PRKAA1: variants seen among roughly 807,000 people sequenced by gnomAD.
PRKAA1 encodes the protein 5'-AMP-activated protein kinase catalytic subunit alpha-1.
PRKAA1 carries 23 observed loss-of-function variants against 56.9 expected under a neutral mutation model. The observed-to-expected ratio is 0.40, with a 90% CI of 0.29 to 0.57. The LOEUF (loss-of-function observed/expected upper bound fraction) is 0.57, where lower values mean the gene tolerates loss of function less well. Ranked by LOEUF, PRKAA1 falls within the 20% of genes least tolerant of loss-of-function variation. PRKAA1 has a pLI of 0.39. For missense variants in PRKAA1, 413 were observed against 679.7 expected (o/e 0.61, Z 4.36); for synonymous variants, 226 against 227.0 (o/e 1.00, Z 0.04).
intron 6 of PRKAA1, 39 bp from the exon 7 acceptor site, chr5:40,765,277 A>AT (rs752870013): frequency 6.4e-7 from 1 of 1,558,942 alleles, no homozygotes; most frequent in Non-Finnish European, 8.7e-7. Flanking sequence ...AGGACTTTGA[A>AT]TAGAGCTGAG....
At chr5:40,775,074 T>A in intron 3 of PRKAA1, 1 of 909,378 alleles carries the variant, frequency 1.1e-6, no homozygotes, top group Non-Finnish European at 1.7e-6. Context: ...TTAATTACAT[T>A]AAGATACATA....
intron 1 of PRKAA1, among the ~76,000 whole-genome samples, chr5:40,794,285 T>C (rs1347947387): frequency 1.3e-5 from 2 of 152,220 alleles, no homozygotes; most frequent in African/African-American, 2.4e-5. Context: ...CATTTGTATA[T>C]CTTCTTTTGA....
intron 1 of PRKAA1, among the ~76,000 whole-genome samples, chr5:40,787,699 A>G (rs920530846): frequency 3.0e-5 from 4 of 133,138 alleles, no homozygotes; most frequent in African/African-American, 1.0e-4. Flanking sequence ...TTGCTTTTGC[A>G]AAAGATAAAA....
At chr5:40,777,265 A>G (rs1008113000) in intron 2 of PRKAA1, 180 bp downstream of exon 2, 57 of 530,872 alleles carry the variant, frequency 1.1e-4, no homozygotes, top group African/African-American at 9.8e-4. Flanking sequence ...CGCCTGCCTC[A>G]GCCTCCCAAA....
At chr5:40,785,471 C>T (rs757211365) in intron 1 of PRKAA1, among the ~76,000 whole-genome samples, 59 of 151,806 alleles carry the variant, frequency 3.9e-4, no homozygotes, top group Non-Finnish European at 7.9e-4. Flanking sequence ...AACTCCTGAC[C>T]GCAGGTGATC....
rs1365840338 is a variant in PRKAA1, at chr5:40,760,038, C to T, written c.*2740G>A. ...AAAACCTTATACATCTTTCAGTTGT[C>T]AAGACAAAGTAAAAATATGGTTGCA... On this transcript the variant is annotated 3_prime_UTR_variant, in exon 9 of 9. Transcript: ENST00000397128. The T allele has an allele frequency of 1.3e-5, 2 of 152,446 alleles. No individual in the cohort carries two copies. The highest frequency in any genetic ancestry group is 2.9e-5 in the Non-Finnish European group (2 of 67,956). 9.4% of individuals were successfully genotyped at this position (152,446 alleles called of 1,614,324 possible).
chr5:40,775,604 G>A (rs1743965443), intron 2 of PRKAA1, 101 bp from the exon 3 acceptor site: 2 of 935,614 alleles, frequency 2.1e-6, no homozygotes, highest in South Asian at 3.4e-5. Context: ...ACTAGGCTAG[G>A]AGCTAGAAAA....
chr5:40,762,609 G>T lies in PRKAA1; in HGVS notation c.*169C>A. 1.3e-6 allele frequency: 1 copy of T among 764,436 alleles called. No individual in the cohort carries two copies. 47.4% of individuals were successfully genotyped at this position (764,436 alleles called of 1,614,324 possible). ...AACAAAATGATCTTAATTCATTTCT[G>T]CATATTAGGCTTTTAACTATAAATC... On this transcript the variant is annotated 3_prime_UTR_variant, in exon 9 of 9. Transcript: ENST00000397128.
intron 3 of PRKAA1, among the ~76,000 whole-genome samples, chr5:40,772,556 G>T (rs1485557616): frequency 6.6e-6 from 1 of 150,868 alleles, no homozygotes. Flanking sequence ...TCTTTAATAT[G>T]CTTGCTAAAA....
rs765908317 is a variant in PRKAA1 at position 40,785,835 on chromosome 5, C to CAGAGAG, written c.128-8250_128-8249insCTCTCT. 7.5e-3 allele frequency among the ~76,000 whole-genome samples: 1,062 copies of CAGAGAG among 141,862 alleles called. 6 individuals carry two copies. Among genetic ancestry groups the CAGAGAG allele is most frequent in the Non-Finnish European group, 0.012 (781 of 64,506 alleles). 93.1% of individuals were successfully genotyped at this position (141,862 alleles called of 152,430 possible). ...AAGAAGAGGAGAGCACACACACACA[C>CAGAGAG]ACACAGAGAGAGAGAGAGAGAGAGA... On this transcript the variant is annotated intron_variant, in intron 1 of 8. Transcript: ENST00000397128.
intron 4 of PRKAA1, 71 bp from the exon 5 acceptor site, chr5:40,769,574 A>C: frequency 8.1e-7 from 1 of 1,227,810 alleles, no homozygotes; most frequent in Non-Finnish European, 1.2e-6. Context: ...TTAAACAATA[A>C]AATTGAGTTT....
chr5:40,781,813 A>G (rs562649919), intron 1 of PRKAA1, among the ~76,000 whole-genome samples: 25 of 152,334 alleles, frequency 1.6e-4, no homozygotes, highest in African/African-American at 4.6e-4. Context: ...TATGAAATGT[A>G]TAAGAGAAAG....
At position 40,760,540 on chromosome 5, in the gene PRKAA1, C is replaced by A. The variant is rs1379858717; in HGVS notation, c.*2238G>T. 1 of 152,530 alleles carries A rather than the reference C, an allele frequency of 6.6e-6. No homozygotes were observed. The highest frequency in any genetic ancestry group is 2.4e-5 in the African/African-American group (1 of 41,378). The allele number at this position is 152,530 out of a possible 1,614,324, so 9.4% of individuals were successfully genotyped here. A position where few individuals can be genotyped will look rare whatever the true frequency, so the allele number is the denominator to read the frequency against. On this transcript the variant is annotated 3_prime_UTR_variant, in exon 9 of 9. Transcript: ENST00000397128. ...GGAACATTATGCTGCACTTAGAGAC[C>A]CTAAGTAAAATTAGAATCCCCTAAA...
At chr5:40,797,787 C>T (rs1404696245) in intron 1 of PRKAA1, among the ~76,000 whole-genome samples, 1 of 152,126 alleles carries the variant, frequency 6.6e-6, no homozygotes, top group Non-Finnish European at 1.5e-5. Flanking sequence ...AAAGTTTGCA[C>T]CTTCGCATCC....
intron 5 of PRKAA1, chr5:40,768,891 G>T: frequency 1.3e-6 from 2 of 1,563,764 alleles, no homozygotes; most frequent in South Asian, 2.3e-5. Flanking sequence ...TCTCAATGCT[G>T]GTAGTTAGTA....
chr5:40,798,218 GGC>G lies in PRKAA1; in HGVS notation c.-31_-30del, dbSNP rs1561195281. 4 of 480,800 alleles carry G rather than the reference GGC, an allele frequency of 8.3e-6. No homozygotes were observed. The highest frequency in any genetic ancestry group is 7.1e-6 in the Non-Finnish European group (2 of 282,392). The allele number at this position is 480,800 out of a possible 1,614,324, so 29.8% of individuals were successfully genotyped here. A position where few individuals can be genotyped will look rare whatever the true frequency, so the allele number is the denominator to read the frequency against. On this transcript the variant is annotated 5_prime_UTR_variant, in exon 1 of 9. Transcript: ENST00000397128. ...GCTGCGGGAGGGGGCGGAGGGGGCG[GGC>G]AGGGCCGCGCCGGGGGCGGGCGGGG...
chr5:40,792,026 C>A (rs1213294230), intron 1 of PRKAA1, among the ~76,000 whole-genome samples: 2 of 152,210 alleles, frequency 1.3e-5, no homozygotes, highest in African/African-American at 4.8e-5. Context: ...GCACTATACA[C>A]ACAGTTCAAA....
intron 1 of PRKAA1, among the ~76,000 whole-genome samples, chr5:40,792,425 G>A (rs1000502457): frequency 2.6e-5 from 4 of 152,022 alleles, no homozygotes; most frequent in East Asian, 1.9e-4. Flanking sequence ...TTTCATACAC[G>A]AGTACATCTA....
Position 40,764,860 on chromosome 5 carries a change from T to A in PRKAA1, c.1200A>T (p.Gln400His), listed in dbSNP as rs1395301525. 6.2e-7 allele frequency: 1 copy of A among 1,614,174 alleles called. No homozygotes were observed. Among genetic ancestry groups the A allele is most frequent in the Non-Finnish European group, 8.5e-7 (1 of 1,180,020 alleles). Residue 400 changes from glutamine (Q) to histidine (H), a missense_variant, in exon 7 of 9, where the codon CAA becomes CAT. Coordinates refer to ENST00000397128, the MANE Select transcript of PRKAA1 (RefSeq NM_006251.6). The stretch of plus-strand genomic sequence containing the variant: ...AATGCCATTTTGCTTTCCTTACACC[T>A]TGGTGTTTGGATTTCTGTGGATTTA... ...DELNPQKSKH[Q>H]GVRKAKWHLG... is the part of the protein sequence containing the mutation.
Sources: allele counts gnomAD v4.1 joint callset (sites outside exome capture counted in the v4.1 genomes callset), GRCh38; gene constraint gnomAD v4.1.1; transcripts MANE v1.5; gene names NCBI Gene and HGNC (gene_info 2026-07-23, HGNC 2026-07-21).